Variants in KRCC1 observed in about 807,000 individuals in gnomAD.
KRCC1 encodes the protein lysine-rich coiled-coil protein 1.
KRCC1 carries 3 observed loss-of-function variants against 7.4 expected under a neutral mutation model. That is an observed-to-expected ratio of 0.40 (90% CI 0.18 to 1.04). The LOEUF is 1.04. Among genes scored for constraint, KRCC1 ranks in the 50% least tolerant of loss-of-function variants. The probability of loss-of-function intolerance (pLI) is 0.33; values close to 1 mark genes in which losing one functional copy is unlikely to be tolerated. For synonymous variants in KRCC1, 102 were observed against 101.6 expected (o/e 1.00, Z -0.02); for missense variants, 277 against 300.9 (o/e 0.92, Z 0.59).
intron 3 of KRCC1, 134 bp from the exon 4 acceptor site, chr2:88,028,719 T>TG (rs1397480085): frequency 1.7e-6 from 1 of 602,840 alleles, no homozygotes; most frequent in Non-Finnish European, 2.8e-6. Flanking sequence ...GGGTTGCTCT[T>TG]GGGTCACTGC....
chr2:88,039,702 T>TTA (rs1673165940), intron 1 of KRCC1, among the ~76,000 whole-genome samples: 1 of 151,334 alleles, frequency 6.6e-6, no homozygotes, highest in Non-Finnish European at 1.5e-5. Flanking sequence ...TATATATATA[T>TTA]TATATATAAT....
intron 3 of KRCC1, 59 bp from the exon 4 acceptor site, chr2:88,028,644 CTTTTTTTT>C (rs35917852): frequency 1.4e-5 from 7 of 503,404 alleles, no homozygotes; most frequent in African/African-American, 4.6e-5. Context: ...TTCCTTTGCT[CTTTTTTTT>C]TTTTTTTTTT....
intron 1 of KRCC1, among the ~76,000 whole-genome samples, chr2:88,041,723 A>G (rs1673214667): frequency 6.6e-6 from 1 of 152,194 alleles, no homozygotes; most frequent in African/African-American, 2.4e-5. Context: ...TTTCACTTGC[A>G]TAGTGATTAC....
chr2:88,044,497 T>C (rs1673287786), intron 1 of KRCC1, among the ~76,000 whole-genome samples: 1 of 152,084 alleles, frequency 6.6e-6, no homozygotes, highest in Admixed American at 6.6e-5. Flanking sequence ...ATCTAGAAGA[T>C]ATAAAGACTT....
chr2:88,027,686 C>T lies in KRCC1; in HGVS notation c.*98G>A. The T allele has an allele frequency of 5.9e-6, 6 of 1,024,056 alleles. No individual in the cohort carries two copies. Among genetic ancestry groups the T allele is most frequent in the Middle Eastern group, 2.4e-4 (1 of 4,220 alleles). The allele number at this position is 1,024,056 out of a possible 1,614,324, so 63.4% of individuals were successfully genotyped here. ...AGGCCTTTGTTAGAAGTTAAAGAAC[C>T]TATTCACATAAGAAAAGTGGTATGA... On this transcript the variant is annotated 3_prime_UTR_variant, in exon 4 of 4. Coordinates refer to ENST00000347055, the MANE Select transcript of KRCC1 (RefSeq NM_016618.3).
At chr2:88,052,889 G>GT (rs1392122001) in intron 1 of KRCC1, among the ~76,000 whole-genome samples, 1 of 152,150 alleles carries the variant, frequency 6.6e-6, no homozygotes, top group East Asian at 1.9e-4. Flanking sequence ...CTTTAAAAAT[G>GT]TAAACAAACA....
chr2:88,032,307 A>C (rs190786149), intron 3 of KRCC1, among the ~76,000 whole-genome samples: 91 of 152,192 alleles, frequency 6.0e-4, no homozygotes, highest in Non-Finnish European at 1.2e-3. Flanking sequence ...AATGCCCCAC[A>C]CAAGTGTACT....
At chr2:88,043,223 G>T (rs923021839) in intron 1 of KRCC1, among the ~76,000 whole-genome samples, 1 of 152,168 alleles carries the variant, frequency 6.6e-6, no homozygotes, top group Non-Finnish European at 1.5e-5. Context: ...TAGTCAGGAG[G>T]TCTAGGGGTT....
chr2:88,028,685 T>C, intron 3 of KRCC1, 100 bp from the exon 4 acceptor site: 1 of 684,088 alleles, frequency 1.5e-6, no homozygotes, highest in Non-Finnish European at 2.2e-6. Context: ...CGTCTCGCCC[T>C]GTCGCCCAGA....
intron 3 of KRCC1, among the ~76,000 whole-genome samples, chr2:88,032,528 A>G (rs1009396729): frequency 1.2e-4 from 18 of 152,306 alleles, no homozygotes; most frequent in Middle Eastern, 6.8e-3. Context: ...GCCCAATGAG[A>G]AAATCATGAC....
At chr2:88,038,495 G>A (rs1001292102) in intron 1 of KRCC1, among the ~76,000 whole-genome samples, 1 of 152,208 alleles carries the variant, frequency 6.6e-6, no homozygotes. Context: ...ACTGTGTGAG[G>A]TGATCTTGTG....
Position 88,028,353 on chromosome 2 carries a change from A to G in KRCC1, c.211T>C (p.Tyr71His), listed in dbSNP as rs1436436380. ...TGTGGAATATTGCATGATCTTGGGT[A>G]GGTCTGGATGGTTTCAGATGGGAGT... ...QRLPSETIQT[Y>H]PRSCNIPQTV... Residue 71 changes from tyrosine to histidine, a missense_variant, in exon 4 of 4, where the codon TAC becomes CAC. Coordinates refer to ENST00000347055, the MANE Select transcript of KRCC1 (RefSeq NM_016618.3). The G allele has an allele frequency of 6.2e-7, 1 of 1,614,024 alleles. No individual in the cohort carries two copies. Among genetic ancestry groups the G allele is most frequent in the Non-Finnish European group, 8.5e-7 (1 of 1,180,030 alleles).
rs371162841 is a variant in KRCC1 at position 88,032,962 on chromosome 2, A to G, written c.-23+1172T>C. On this transcript the variant is annotated intron_variant, in intron 3 of 3. Transcript: ENST00000347055. ...AAAATAAATAAATAAAAAGTCATAGAAGTCTGATAAAAGAGTACATACGAT... is the reference window on the plus strand; with the variant it reads ...AAAATAAATAAATAAAAAGTCATAGGAGTCTGATAAAAGAGTACATACGAT... Among the ~76,000 whole-genome samples, 103 of 152,258 alleles carry G rather than the reference A, an allele frequency of 6.8e-4. No homozygotes were observed. The South Asian group carries it at 0.021, about 31-fold the overall frequency.
chr2:88,041,128 T>C (rs992910842), intron 1 of KRCC1, among the ~76,000 whole-genome samples: 11 of 152,086 alleles, frequency 7.2e-5, no homozygotes, highest in African/African-American at 2.7e-4. Flanking sequence ...CAAGAGATTA[T>C]TGGGCTGCAC....
At chr2:88,039,856 G>A (rs1236106455) in intron 1 of KRCC1, among the ~76,000 whole-genome samples, 1 of 152,086 alleles carries the variant, frequency 6.6e-6, no homozygotes, top group Non-Finnish European at 1.5e-5. Flanking sequence ...ATGGTGATGT[G>A]ATGGTGACTT....
At chr2:88,029,969 TC>T (rs1232281663) in intron 3 of KRCC1, among the ~76,000 whole-genome samples, 1 of 151,032 alleles carries the variant, frequency 6.6e-6, no homozygotes, top group Non-Finnish European at 1.5e-5. Flanking sequence ...TGCCTCAGCC[TC>T]CTGAGTAGTT....
intron 1 of KRCC1, among the ~76,000 whole-genome samples, chr2:88,053,307 AT>A (rs1485155583): frequency 6.6e-6 from 1 of 152,236 alleles, no homozygotes; most frequent in African/African-American, 2.4e-5. Flanking sequence ...CTGAAGTGGA[AT>A]AGAAAGGTTA....
At chr2:88,055,346 G>GGTCTAGATTTCCTCTTGGTCGC (rs1335536585) in intron 1 of KRCC1, among the ~76,000 whole-genome samples, 7 of 151,964 alleles carry the variant, frequency 4.6e-5, no homozygotes. Context: ...ATTTCCTCCG[G>GGTCTAGATTTCCTCTTGGTCGC]GTCTAGATTT....
chr2:88,031,052 CT>C (rs1038469342), intron 3 of KRCC1, among the ~76,000 whole-genome samples: 2 of 135,570 alleles, frequency 1.5e-5, no homozygotes, highest in Non-Finnish European at 3.2e-5. Context: ...GATTTATTTA[CT>C]ATACTATATT....
Sources: gnomAD v4.1 joint callset for allele counts (sites outside exome capture counted in the v4.1 genomes callset) on GRCh38, gnomAD v4.1.1 for gene constraint, MANE v1.5 for transcripts, NCBI Gene and HGNC (gene_info 2026-07-23, HGNC 2026-07-21) for gene names.